ZNF282: variants seen among roughly 807,000 people sequenced by gnomAD.
The protein encoded by ZNF282 is HTLV-I U5 repressive element-binding protein 1.
In ZNF282, 30 loss-of-function variants were observed where a neutral mutation model predicts 61.9. The observed-to-expected ratio is 0.48, with a 90% confidence interval of 0.36 to 0.66. ZNF282 has a LOEUF of 0.66. Ranked by LOEUF, ZNF282 falls within the 30% of genes least tolerant of loss-of-function variation. The probability of loss-of-function intolerance (pLI) is 0.00; values close to 1 mark genes in which losing one functional copy is unlikely to be tolerated. For missense variants in ZNF282, 788 were observed against 941.4 expected, an observed-to-expected ratio of 0.84 and a Z score of 2.13; for synonymous variants, 396 against 405.0, an observed-to-expected ratio of 0.98 and a Z score of 0.27.
At chr7:149,207,546 G>A (rs992026630) in intron 4 of ZNF282, 76 bp downstream of exon 4, 4 of 1,531,888 alleles carry the variant, frequency 2.6e-6, no homozygotes, top group East Asian at 2.5e-5. Context: ...CACTGCTGCC[G>A]CGAGGCGCCA....
At chr7:149,200,228 C>A (rs547178529) in intron 2 of ZNF282, among the ~76,000 whole-genome samples, 1 of 152,282 alleles carries the variant, frequency 6.6e-6, no homozygotes, top group African/African-American at 2.4e-5. Flanking sequence ...TCTCAGTATT[C>A]CAGTTGATTG....
chr7:149,213,621 T>G, intron 6 of ZNF282, 80 bp from the exon 7 acceptor site: 1 of 1,010,988 alleles, frequency 9.9e-7, no homozygotes, highest in Non-Finnish European at 1.5e-6. Context: ...AGCCACCGCA[T>G]GGGATGGTTT....
intron 7 of ZNF282, among the ~76,000 whole-genome samples, chr7:149,221,704 G>A (rs945257940): frequency 6.6e-6 from 1 of 152,176 alleles, no homozygotes; most frequent in African/African-American, 2.4e-5. Flanking sequence ...CACCTGGCCA[G>A]TGTCCTGCAG....
Position 149,198,555 on chromosome 7 carries a change from G to T in ZNF282, c.388G>T (p.Glu130Ter). The change falls in exon 2 of 8, where the codon GAG (glutamate) becomes TAG (stop). Residue 130 changes from glutamate (E) to a stop codon, truncating the protein, a stop_gained. Transcript: ENST00000610704. LOFTEE classifies it high-confidence loss of function. This position sits in a 1 kb window ranked among gnomAD's most constrained non-coding sequence, Gnocchi z 4.3. ...CCTGGAGGGGCGCACGGGGACAGCCGAGAAGAAGCTGGCCGACTGTGAAAA... is the reference window on the plus strand; with the variant it reads ...CCTGGAGGGGCGCACGGGGACAGCCTAGAAGAAGCTGGCCGACTGTGAAAA... ...LNLEGRTGTA[E>*]KKLADCEKTA... The T allele has an allele frequency of 1.2e-6, 2 of 1,614,206 alleles. No individual in the cohort carries two copies. The highest frequency in any genetic ancestry group is 1.7e-6 in the Non-Finnish European group (2 of 1,180,048).
At chr7:149,215,759 A>C (rs1462186152) in intron 7 of ZNF282, among the ~76,000 whole-genome samples, 1 of 152,220 alleles carries the variant, frequency 6.6e-6, no homozygotes, top group East Asian at 1.9e-4. Context: ...GAAGCCAGGA[A>C]ACTGGTGGTG....
rs1796340104 is a variant in ZNF282 at position 149,224,790 on chromosome 7, A to G, written c.*143A>G. The G allele has an allele frequency of 7.4e-7, 1 of 1,355,658 alleles. No individual in the cohort carries two copies. 84.0% of individuals were successfully genotyped at this position (1,355,658 alleles called of 1,614,324 possible). A position where few individuals can be genotyped will look rare whatever the true frequency, so the allele number is the denominator to read the frequency against. On this transcript the variant is annotated 3_prime_UTR_variant, in exon 8 of 8. Coordinates refer to ENST00000610704, the MANE Select transcript of ZNF282 (RefSeq NM_003575.4). ...GGTTGGGGGTCCCCCAGGGTGGGGC[A>G]GGGATCCCCCAGATCTGTCTGGTCT...
chr7:149,198,757 G>A lies in ZNF282; in HGVS notation c.585+5G>A. 1 of 1,610,272 alleles carries A rather than the reference G, an allele frequency of 6.2e-7. No individual in the cohort carries two copies. Among genetic ancestry groups the A allele is most frequent in the Non-Finnish European group, 8.5e-7 (1 of 1,178,246 alleles). On this transcript the variant is annotated splice_donor_5th_base_variant and intron_variant, in intron 2 of 7. Coordinates refer to ENST00000610704, the MANE Select transcript of ZNF282 (RefSeq NM_003575.4). This position sits in a 1 kb window ranked among gnomAD's most constrained non-coding sequence, Gnocchi z 4.3. ...AGCAAGGGGGAGGCCCCCAAGGTAT[G>A]TGGTGGTCCCTGGGGCAGGGATAGA...
chr7:149,212,517 CA>C, intron 6 of ZNF282, 46 bp downstream of exon 6: 1 of 1,345,064 alleles, frequency 7.4e-7, no homozygotes, highest in African/African-American at 1.5e-5. Context: ...AAGTGTTTTT[CA>C]AAAGGAATCA....
At position 149,210,594 on chromosome 7, in the gene ZNF282, C is replaced by T. The variant is rs114454649; in HGVS notation, c.842C>T (p.Pro281Leu). Residue 281 changes from proline (P) to leucine (L), a missense_variant, in exon 5 of 8, where the codon CCC becomes CTC. Pro to Leu is a moderately conservative substitution (Grantham distance 98). Transcript: ENST00000610704. ...CATTCTCTGTCCCCAGGAGCAGAGC[C>T]CCTGGTGCCTGCGCAGGATGCGTCC... ...IPMDPEAGAEPLVPAQDASSQ... is the reference protein window; with the variant it reads ...IPMDPEAGAELLVPAQDASSQ... 8,419 of 1,611,368 alleles carry T rather than the reference C, an allele frequency of 5.2e-3. 30 individuals are homozygous for T. Among genetic ancestry groups the T allele is most frequent in the Non-Finnish European group, 6.4e-3 (7,557 of 1,178,968 alleles).
At chr7:149,196,435 G>T (rs1409903481) in intron 1 of ZNF282, among the ~76,000 whole-genome samples, 1 of 152,086 alleles carries the variant, frequency 6.6e-6, no homozygotes, top group East Asian at 1.9e-4. Flanking sequence ...ATTTCTTCAG[G>T]CTCCATCGAT....
At chr7:149,207,302 G>A in intron 3 of ZNF282, 49 bp from the exon 4 acceptor site, 1 of 1,560,948 alleles carries the variant, frequency 6.4e-7, no homozygotes, top group Non-Finnish European at 8.7e-7. Flanking sequence ...CTTGCTGGAT[G>A]CGTTGGTCAA....
intron 7 of ZNF282, 91 bp downstream of exon 7, chr7:149,213,905 C>A: frequency 1.2e-6 from 1 of 847,524 alleles, no homozygotes; most frequent in Non-Finnish European, 1.9e-6. Context: ...TCTCAGCTCA[C>A]CCCTCGTAGG....
At position 149,213,724 on chromosome 7, in the gene ZNF282, A is replaced by G. The variant is rs1201793698; in HGVS notation, c.1090A>G (p.Ile364Val). Reference sequence around the variant, plus strand: ...AGAGTCTCTCATCTCAGCACATGACATTTTGTCATGGATCAAGCAGGAGGA... The same window carrying G: ...AGAGTCTCTCATCTCAGCACATGACGTTTTGTCATGGATCAAGCAGGAGGA... ...NSESLISAHD[I>V]LSWIKQEEQP... The change falls in exon 7 of 8, where the codon ATT becomes GTT. Residue 364 changes from isoleucine (I) to valine (V), a missense_variant. Physicochemically the swap from Ile to Val is conservative, Grantham distance 29. This residue lies in a region of ZNF282 where 559 missense variants were observed against 642.0 expected (regional missense o/e 0.87). Coordinates refer to ENST00000610704, the MANE Select transcript of ZNF282 (RefSeq NM_003575.4). 1.2e-6 allele frequency: 2 copies of G among 1,613,634 alleles called. No homozygotes were observed. The highest frequency in any genetic ancestry group is 1.3e-5 in the African/African-American group (1 of 74,936).
intron 7 of ZNF282, among the ~76,000 whole-genome samples, chr7:149,221,169 T>C (rs1355564864): frequency 1.3e-5 from 2 of 152,222 alleles, no homozygotes; most frequent in African/African-American, 4.8e-5. Flanking sequence ...TCCTTCTGCC[T>C]TGGCCTCCCA....
Position 149,195,636 on chromosome 7 carries a change from A to G in ZNF282, c.47A>G (p.Gln16Arg), listed in dbSNP as rs756993822. The G allele has an allele frequency of 1.9e-5, 30 of 1,609,320 alleles. No homozygotes were observed. Among genetic ancestry groups the G allele is most frequent in the Non-Finnish European group, 2.5e-5 (29 of 1,178,404 alleles). ...TRPQPQQLGI[Q>R]GLGLDSGSWS... ...CCGCAGCCTCAGCAGCTGGGCATCCAGGGCCTGGGGCTGGACAGCGGGAGC... is the reference window on the plus strand; with the variant it reads ...CCGCAGCCTCAGCAGCTGGGCATCCGGGGCCTGGGGCTGGACAGCGGGAGC... The change falls in exon 1 of 8, where the codon CAG (glutamine) becomes CGG (arginine). Residue 16 changes from glutamine to arginine, a missense_variant. Coordinates refer to ENST00000610704, the MANE Select transcript of ZNF282 (RefSeq NM_003575.4).
chr7:149,201,898 C>T (rs1164649646), intron 2 of ZNF282, among the ~76,000 whole-genome samples: 1 of 152,200 alleles, frequency 6.6e-6, no homozygotes, highest in Non-Finnish European at 1.5e-5. Flanking sequence ...CTGTGCTGTT[C>T]TGCCAGCACA....
In ZNF282 at chr7:149,212,479, C is replaced by T; in HGVS notation, c.1066+8C>T. 1 of 1,594,964 alleles carries T rather than the reference C, an allele frequency of 6.3e-7. No homozygotes were observed. Among genetic ancestry groups the T allele is most frequent in the Non-Finnish European group, 8.6e-7 (1 of 1,167,892 alleles). On this transcript the variant is annotated splice_region_variant and intron_variant, in intron 6 of 7. Coordinates refer to ENST00000610704, the MANE Select transcript of ZNF282 (RefSeq NM_003575.4). ...CCACGGATCCCAATTCAGGTGAGAACAAGGTCAGAATGAATCTTGAGGGCA... is the reference window on the plus strand; with the variant it reads ...CCACGGATCCCAATTCAGGTGAGAATAAGGTCAGAATGAATCTTGAGGGCA...
intron 4 of ZNF282, among the ~76,000 whole-genome samples, chr7:149,209,309 C>A (rs142822533): frequency 6.6e-6 from 1 of 151,440 alleles, no homozygotes; most frequent in South Asian, 2.1e-4. Flanking sequence ...GAGACAGATT[C>A]CGTCTCAAAA....
In ZNF282 at chr7:149,198,972, C is replaced by G. The variant is rs915930388; in HGVS notation, c.585+220C>G. On this transcript the variant is annotated intron_variant, in intron 2 of 7. Coordinates refer to ENST00000610704, the MANE Select transcript of ZNF282 (RefSeq NM_003575.4). This position sits in a 1 kb window ranked among gnomAD's most constrained non-coding sequence, Gnocchi z 4.3. Reference sequence around the variant, plus strand: ...CATTCCCCACAGTCTGCATTTCTGTCTGGGAGCCTTTGCTCTCGCTGTTCC... The same window carrying G: ...CATTCCCCACAGTCTGCATTTCTGTGTGGGAGCCTTTGCTCTCGCTGTTCC... 6.6e-6 allele frequency among the ~76,000 whole-genome samples: 1 copy of G among 152,224 alleles called. No individual in the cohort carries two copies. The highest frequency in any genetic ancestry group is 1.5e-5 in the Non-Finnish European group (1 of 68,040).
Sources: allele counts gnomAD v4.1 joint callset (sites outside exome capture counted in the v4.1 genomes callset), GRCh38; gene constraint gnomAD v4.1.1; regional missense constraint gnomAD v4.1.1; non-coding constraint Gnocchi (gnomAD v3.1); transcripts MANE v1.5; gene names NCBI Gene and HGNC (gene_info 2026-07-23, HGNC 2026-07-21).